B3GALT1: variants seen among roughly 807,000 people sequenced by gnomAD.
B3GALT1 encodes UDP-Gal:betaGlcNAc beta 1,3-galactosyltransferase, polypeptide 1.
In B3GALT1, 10 loss-of-function variants were observed where a neutral mutation model predicts 23.2. The observed-to-expected ratio is 0.43, with a 90% CI of 0.27 to 0.73. The LOEUF (loss-of-function observed/expected upper bound fraction) is 0.73, where lower values mean the gene tolerates loss of function less well. Among genes scored for constraint, B3GALT1 ranks in the 30% least tolerant of loss-of-function variants. The pLI is 0.21. For synonymous variants in B3GALT1, 156 were observed against 141.5 expected (o/e 1.10, Z -0.73); for missense variants, 299 against 405.4 (o/e 0.74, Z 2.25).
intron 3 of B3GALT1, among the ~76,000 whole-genome samples, chr2:167,810,385 G>A (rs1688861254): frequency 6.6e-6 from 1 of 150,474 alleles, no homozygotes. Context: ...ACTGGAAGCT[G>A]TAGAGTGGAG....
intron 3 of B3GALT1, among the ~76,000 whole-genome samples, chr2:167,707,945 T>A (rs1230903779): frequency 1.3e-5 from 2 of 152,218 alleles, no homozygotes; most frequent in African/African-American, 4.8e-5. Context: ...TAAAATTGGT[T>A]CAAACATCAT....
chr2:167,457,838 C>T (rs1699194868), intron 1 of B3GALT1, among the ~76,000 whole-genome samples: 1 of 152,128 alleles, frequency 6.6e-6, no homozygotes, highest in African/African-American at 2.4e-5. Context: ...TTTGTGGCCC[C>T]ATTCTAGACC....
At chr2:167,708,816 C>T (rs1310138080) in intron 3 of B3GALT1, among the ~76,000 whole-genome samples, 1 of 152,142 alleles carries the variant, frequency 6.6e-6, no homozygotes, top group Non-Finnish European at 1.5e-5. Context: ...CCTTCCCTCA[C>T]CAGTGTCTGC....
chr2:167,705,194 A>C (rs1686950354), intron 3 of B3GALT1, among the ~76,000 whole-genome samples: 1 of 152,182 alleles, frequency 6.6e-6, no homozygotes, highest in African/African-American at 2.4e-5. Context: ...AGCTGAACCC[A>C]GTCAACGTAT....
intron 2 of B3GALT1, among the ~76,000 whole-genome samples, chr2:167,578,303 G>A (rs1157303686): frequency 6.6e-6 from 1 of 151,938 alleles, no homozygotes; most frequent in Non-Finnish European, 1.5e-5. Flanking sequence ...AAACTTGTTA[G>A]TGAAAAGTTC....
chr2:167,572,212 C>T (rs1350618611), intron 2 of B3GALT1, among the ~76,000 whole-genome samples: 1 of 151,760 alleles, frequency 6.6e-6, no homozygotes, highest in Non-Finnish European at 1.5e-5. Context: ...AGTATTCTTT[C>T]CTTCTCCAAA....
At chr2:167,854,754 G>C (rs1157993634) in intron 4 of B3GALT1, among the ~76,000 whole-genome samples, 1 of 152,172 alleles carries the variant, frequency 6.6e-6, no homozygotes, top group African/African-American at 2.4e-5. Flanking sequence ...GAAAAGCTAA[G>C]GGGGAATTGG....
At chr2:167,620,147 G>T (rs1478914597) in intron 2 of B3GALT1, among the ~76,000 whole-genome samples, 1 of 152,088 alleles carries the variant, frequency 6.6e-6, no homozygotes, top group African/African-American at 2.4e-5. Flanking sequence ...TGTGTTACAT[G>T]TGTGTAGGAG....
chr2:167,832,990 C>G (rs1689382644), intron 4 of B3GALT1, among the ~76,000 whole-genome samples: 1 of 152,168 alleles, frequency 6.6e-6, no homozygotes, highest in Admixed American at 6.5e-5. Flanking sequence ...AAATGGGAAG[C>G]AAGTTCAATG....
chr2:167,418,803 C>T (rs905683210), intron 1 of B3GALT1, among the ~76,000 whole-genome samples: 1 of 152,000 alleles, frequency 6.6e-6, no homozygotes, highest in Non-Finnish European at 1.5e-5. Context: ...TCCCAAAGTG[C>T]TGGGATTACA....
At chr2:167,804,022 GTC>G (rs1489267531) in intron 3 of B3GALT1, among the ~76,000 whole-genome samples, 1 of 152,186 alleles carries the variant, frequency 6.6e-6, no homozygotes, top group Non-Finnish European at 1.5e-5. Context: ...TTGAGATGGA[GTC>G]TCACTCTGCT....
chr2:167,617,037 A>G (rs530245342), intron 2 of B3GALT1, among the ~76,000 whole-genome samples: 1 of 152,114 alleles, frequency 6.6e-6, no homozygotes, highest in Admixed American at 6.6e-5. Context: ...AAGTAACTTG[A>G]CTTTTGGAAG....
At chr2:167,526,206 T>C (rs778610280) in intron 2 of B3GALT1, among the ~76,000 whole-genome samples, 36 of 151,342 alleles carry the variant, frequency 2.4e-4, no homozygotes, top group East Asian at 4.0e-4. Flanking sequence ...CACACACACA[T>C]ATATGTATAA....
At chr2:167,352,446 G>T (rs1190938775) in intron 1 of B3GALT1, among the ~76,000 whole-genome samples, 1 of 151,614 alleles carries the variant, frequency 6.6e-6, no homozygotes, top group African/African-American at 2.4e-5. Flanking sequence ...CTGTAGCCGG[G>T]GGCAGTGGCT....
At chr2:167,542,585 G>A (rs1330075187) in intron 2 of B3GALT1, among the ~76,000 whole-genome samples, 4 of 152,096 alleles carry the variant, frequency 2.6e-5, no homozygotes, top group Admixed American at 2.0e-4. Context: ...CTTTTACAGA[G>A]AAATGGAAGA....
chr2:167,455,479 C>T (rs763730886), intron 1 of B3GALT1, among the ~76,000 whole-genome samples: 1 of 152,028 alleles, frequency 6.6e-6, no homozygotes, highest in Admixed American at 6.6e-5. Flanking sequence ...GCTTTCTCCA[C>T]TACTTTTTAT....
chr2:167,620,381 A>C (rs1395049958), intron 2 of B3GALT1, among the ~76,000 whole-genome samples: 3 of 152,030 alleles, frequency 2.0e-5, no homozygotes, highest in Admixed American at 2.0e-4. Context: ...GAGGGGCTGG[A>C]CTCAAGTTGT....
chr2:167,632,689 G>T (rs752532008), intron 2 of B3GALT1, among the ~76,000 whole-genome samples: 10 of 151,904 alleles, frequency 6.6e-5, no homozygotes, highest in Non-Finnish European at 1.2e-4. Context: ...GTAGATTCTG[G>T]ATATTAGCCC....
chr2:167,607,091 C>G (rs1684975405), intron 2 of B3GALT1, among the ~76,000 whole-genome samples: 1 of 152,032 alleles, frequency 6.6e-6, no homozygotes, highest in Non-Finnish European at 1.5e-5. Context: ...AGTTAATTAG[C>G]TTAGTCAAGG....
Sources: allele counts gnomAD v4.1 joint callset (sites outside exome capture counted in the v4.1 genomes callset), GRCh38; gene constraint gnomAD v4.1.1; transcripts MANE v1.5; gene names NCBI Gene and HGNC (gene_info 2026-07-23, HGNC 2026-07-21).